Variants in GFRA1 observed in about 807,000 individuals in gnomAD.
GFRA1 encodes GDNF family receptor alpha-1.
In GFRA1, 16 loss-of-function variants were observed where a neutral mutation model predicts 51.6. That is an observed-to-expected ratio of 0.31 (90% confidence interval 0.21 to 0.47). The LOEUF (loss-of-function observed/expected upper bound fraction) is 0.47. Ranked by LOEUF, GFRA1 falls within the 20% of genes least tolerant of loss-of-function variation. The probability of loss-of-function intolerance (pLI) is 1.00; values close to 1 mark genes in which losing one functional copy is unlikely to be tolerated. For missense variants in GFRA1, 530 were observed against 594.3 expected, an observed-to-expected ratio of 0.89 and a Z score of 1.13; for synonymous variants, 270 against 241.3, an observed-to-expected ratio of 1.12 and a Z score of -1.10.
intron 5 of GFRA1, among the ~76,000 whole-genome samples, chr10:116,177,578 C>G (rs1961752596): frequency 6.6e-6 from 1 of 152,038 alleles, no homozygotes. Context: ...ACCCTGGGAG[C>G]AGATGAGAGT....
chr10:116,146,924 A>G (rs926995717), intron 5 of GFRA1, among the ~76,000 whole-genome samples: 1 of 152,128 alleles, frequency 6.6e-6, no homozygotes, highest in Non-Finnish European at 1.5e-5. Flanking sequence ...GGGCTTGTGG[A>G]AGGGAGGTGC....
At chr10:116,167,730 T>C (rs1960619216) in intron 5 of GFRA1, among the ~76,000 whole-genome samples, 1 of 152,176 alleles carries the variant, frequency 6.6e-6, no homozygotes, top group Non-Finnish European at 1.5e-5. Context: ...AAGTTGCAGG[T>C]CTAGGGAGGA....
At chr10:116,157,966 TC>T (rs1959324030) in intron 5 of GFRA1, among the ~76,000 whole-genome samples, 1 of 152,134 alleles carries the variant, frequency 6.6e-6, no homozygotes, top group Non-Finnish European at 1.5e-5. Flanking sequence ...CACACAAAAG[TC>T]CTCCATTCCT....
At chr10:116,225,368 C>T (rs1447219110) in intron 4 of GFRA1, among the ~76,000 whole-genome samples, 1 of 151,458 alleles carries the variant, frequency 6.6e-6, no homozygotes, top group Non-Finnish European at 1.5e-5. Flanking sequence ...AACACTGTCT[C>T]TACTAAAAAC....
intron 5 of GFRA1, among the ~76,000 whole-genome samples, chr10:116,208,931 T>A: frequency 6.6e-6 from 1 of 152,190 alleles, no homozygotes; most frequent in Non-Finnish European, 1.5e-5. Flanking sequence ...TCTATGGCAC[T>A]TTGGAATTCC....
chr10:116,100,022 T>C (rs1211544521), intron 6 of GFRA1, among the ~76,000 whole-genome samples: 2 of 152,224 alleles, frequency 1.3e-5, no homozygotes, highest in Non-Finnish European at 2.9e-5. Flanking sequence ...TTTAAAGTCA[T>C]ACATTCTGAC....
At chr10:116,204,612 T>A (rs1166216945) in intron 5 of GFRA1, among the ~76,000 whole-genome samples, 1 of 152,170 alleles carries the variant, frequency 6.6e-6, no homozygotes, top group Non-Finnish European at 1.5e-5. Flanking sequence ...AAGGTTACTT[T>A]TGTTAAGGAA....
In GFRA1 at chr10:116,066,845, A is replaced by C. The variant is rs530533858; in HGVS notation, c.1198-1219T>G. ...AGCCCTGGTTAAGCGTTACACTTGA[A>C]TCAAGGAGGACCTGGGCAACCCAGC... On this transcript the variant is annotated intron_variant, in intron 9 of 10. Coordinates refer to ENST00000355422, the MANE Select transcript of GFRA1 (RefSeq NM_005264.8). Among the ~76,000 whole-genome samples the C allele has an allele frequency of 6.3e-4, 96 of 152,326 alleles. 4 individuals are homozygous for C. In the South Asian group the frequency reaches 0.018, roughly 29 times the overall value.
At chr10:116,207,846 G>A (rs560571019) in intron 5 of GFRA1, among the ~76,000 whole-genome samples, 1 of 152,196 alleles carries the variant, frequency 6.6e-6, no homozygotes, top group South Asian at 2.1e-4. Context: ...GGCTAGGAAT[G>A]GGGCTACTCG....
chr10:116,273,921 A>G (rs1427214956), upstream of GFRA1, among the ~76,000 whole-genome samples: 6 of 151,850 alleles, frequency 4.0e-5, no homozygotes, highest in Non-Finnish European at 8.8e-5. Flanking sequence ...GCACACTCAC[A>G]CTCACACGCA....
chr10:116,264,431 T>C (rs958306002), intron 4 of GFRA1, among the ~76,000 whole-genome samples: 22 of 152,172 alleles, frequency 1.4e-4, no homozygotes, highest in Admixed American at 1.3e-3. Context: ...TGCTTGGTGC[T>C]GAGTTGACAC....
In GFRA1 at chr10:116,109,591, A is replaced by G. The variant is rs1321893685; in HGVS notation, c.771-12827T>C. Among the ~76,000 whole-genome samples the G allele has an allele frequency of 3.3e-5, 5 of 152,244 alleles. 1 individual carries two copies. Among genetic ancestry groups the G allele is most frequent in the Admixed American group, 3.3e-4 (5 of 15,298 alleles). On this transcript the variant is annotated intron_variant, in intron 6 of 10. Transcript: ENST00000355422. Reference sequence around the variant, plus strand: ...CCCGGGCTGTGTTCCCCCAGAGGGCACCCAGAAGTCAAGAAGTGAGGACAC... The same window carrying G: ...CCCGGGCTGTGTTCCCCCAGAGGGCGCCCAGAAGTCAAGAAGTGAGGACAC...
chr10:116,185,062 A>T (rs559199966), intron 5 of GFRA1, among the ~76,000 whole-genome samples: 2 of 152,218 alleles, frequency 1.3e-5, no homozygotes, highest in Admixed American at 6.5e-5. Flanking sequence ...AGCTGTTCTG[A>T]ATGTAAGGAG....
chr10:116,164,562 G>T (rs1053556856), intron 5 of GFRA1, among the ~76,000 whole-genome samples: 3 of 152,102 alleles, frequency 2.0e-5, no homozygotes, highest in African/African-American at 7.2e-5. Flanking sequence ...CAGGGTGAAC[G>T]GTCTTCTGGA....
At chr10:116,264,512 C>T (rs1037390403) in intron 4 of GFRA1, among the ~76,000 whole-genome samples, 2 of 152,182 alleles carry the variant, frequency 1.3e-5, no homozygotes, top group South Asian at 2.1e-4. Context: ...TCTTGATATG[C>T]TGTGATTAAT....
Position 116,064,054 on chromosome 10 carries a change from T to A in GFRA1, c.*344A>T. 1 of 114,154 alleles carries A rather than the reference T, an allele frequency of 8.8e-6. No individual in the cohort carries two copies. The highest frequency in any genetic ancestry group is 1.3e-5 in the Non-Finnish European group (1 of 74,770). The allele number at this position is 114,154 out of a possible 1,614,324, so 7.1% of individuals were successfully genotyped here. Reference sequence around the variant, plus strand: ...ACTGTTAAAATCATCATCATGATCATGATGATCATCATCATGATCATGATG... The same window carrying A: ...ACTGTTAAAATCATCATCATGATCAAGATGATCATCATCATGATCATGATG... On this transcript the variant is annotated 3_prime_UTR_variant, in exon 11 of 11. Coordinates refer to ENST00000355422, the MANE Select transcript of GFRA1 (RefSeq NM_005264.8).
intron 9 of GFRA1, among the ~76,000 whole-genome samples, chr10:116,077,568 T>C (rs1238018086): frequency 1.3e-5 from 2 of 152,238 alleles, no homozygotes; most frequent in Non-Finnish European, 2.9e-5. Context: ...TAAACTATAC[T>C]GAAGATGCTC....
chr10:116,142,191 C>A (rs1958601023), intron 5 of GFRA1, among the ~76,000 whole-genome samples: 1 of 152,140 alleles, frequency 6.6e-6, no homozygotes, highest in Non-Finnish European at 1.5e-5. Flanking sequence ...CGCCATGCAG[C>A]AGGAGGGAAA....
At chr10:116,101,261 G>A (rs1456371175) in intron 6 of GFRA1, among the ~76,000 whole-genome samples, 1 of 152,140 alleles carries the variant, frequency 6.6e-6, no homozygotes, top group Non-Finnish European at 1.5e-5. Context: ...GTCCAGTATG[G>A]GATTAACAAA....
Sources: allele counts gnomAD v4.1 joint callset (sites outside exome capture counted in the v4.1 genomes callset), GRCh38; gene constraint gnomAD v4.1.1; transcripts MANE v1.5; gene names NCBI Gene and HGNC (gene_info 2026-07-23, HGNC 2026-07-21).